The following CEP164 variants were observed in gnomAD, a reference collection of about 807,000 sequenced individuals.
CEP164 encodes the protein centrosomal protein 164.
In CEP164, 162 loss-of-function variants were observed where a neutral mutation model predicts 182.7. The ratio of observed to expected loss-of-function variants is 0.89; its 90% CI spans 0.78 to 1.01. The LOEUF is 1.01. Among genes scored for constraint, CEP164 ranks in the 50% least tolerant of loss-of-function variants. The pLI is 0.00. For missense variants in CEP164, 1,735 were observed against 1,790.4 expected (o/e 0.97, Z 0.56); for synonymous variants, 661 against 690.0 (o/e 0.96, Z 0.66).
In CEP164 at chr11:117,390,969, GC is replaced by G. The variant is rs762246255; in HGVS notation, c.2067-27del. ...GCGGAGGCGACCCCAGGGTGCACAGGCCCGTTACCATTCCACTGTGTCCACC... is the reference window on the plus strand; with the variant it reads ...GCGGAGGCGACCCCAGGGTGCACAGGCCGTTACCATTCCACTGTGTCCACC... On this transcript the variant is annotated intron_variant, in intron 16 of 32. Transcript: ENST00000278935. 11 of 1,613,906 alleles carry G rather than the reference GC, an allele frequency of 6.8e-6. 1 individual carries two copies. Among genetic ancestry groups the G allele is most frequent in the Middle Eastern group, 3.3e-4 (2 of 6,080 alleles).
At chr11:117,339,807 G>A (rs1173201073) in intron 3 of CEP164, among the ~76,000 whole-genome samples, 1 of 151,920 alleles carries the variant, frequency 6.6e-6, no homozygotes, top group Non-Finnish European at 1.5e-5. Flanking sequence ...TGGGATTACA[G>A]GCGGGAGACA....
At chr11:117,359,053 T>G (rs1469753914) in intron 5 of CEP164, among the ~76,000 whole-genome samples, 2 of 152,098 alleles carry the variant, frequency 1.3e-5, no homozygotes, top group Non-Finnish European at 2.9e-5. Flanking sequence ...CAAGTGATTC[T>G]CCTGCCTTAG....
intron 11 of CEP164, among the ~76,000 whole-genome samples, chr11:117,377,263 C>T (rs540659018): frequency 6.6e-6 from 1 of 152,168 alleles, no homozygotes; most frequent in Non-Finnish European, 1.5e-5. Context: ...GCACAGATCA[C>T]GATAGGGTTC....
chr11:117,336,318 C>T (rs375745270), intron 2 of CEP164: 261 of 1,497,312 alleles, frequency 1.7e-4, no homozygotes, highest in South Asian at 2.3e-4. Flanking sequence ...TCTTCTTGTC[C>T]GCTGTCACTG....
chr11:117,394,454 C>A lies in CEP164; in HGVS notation c.2721C>A (p.His907Gln). Residue 907 changes from histidine (H) to glutamine (Q), a missense_variant, in exon 21 of 33, where the codon CAC (histidine) becomes CAA (glutamine). Coordinates refer to ENST00000278935, the MANE Select transcript of CEP164 (RefSeq NM_014956.5). This position sits in a 1 kb window ranked among gnomAD's most constrained non-coding sequence, Gnocchi z 4.0. ...RELETVRQEQ[H>Q]KRLEDLRRRH... The stretch of plus-strand genomic sequence containing the variant: ...TGGAGACTGTGAGGCAGGAGCAACA[C>A]AAGCGTCTTGAGGACTTGCGGCGCC... 6.2e-7 allele frequency: 1 copy of A among 1,614,158 alleles called. No homozygotes were observed. The highest frequency in any genetic ancestry group is 1.1e-5 in the South Asian group (1 of 91,072).
At chr11:117,336,228 G>A (rs2037089920) in intron 2 of CEP164, 1 of 1,593,520 alleles carries the variant, frequency 6.3e-7, no homozygotes, top group African/African-American at 1.3e-5. Flanking sequence ...TGGAAGAGGA[G>A]GAGAAAGAGG....
chr11:117,355,972 G>T (rs2040245408), intron 5 of CEP164: 32 of 1,116,246 alleles, frequency 2.9e-5, no homozygotes, highest in Non-Finnish European at 3.4e-5. Context: ...AAGATCAGAA[G>T]CCTAGCTTGT....
In CEP164 at chr11:117,396,003, C is replaced by T. The variant is rs760844442; in HGVS notation, c.3090-51C>T. On this transcript the variant is annotated intron_variant, in intron 24 of 32. Coordinates refer to ENST00000278935, the MANE Select transcript of CEP164 (RefSeq NM_014956.5). ...ATGGTTCTGACCCACTTCACCCCTC[C>T]CCCCCATCGCCAGCCGCTGCCCTGC... The T allele has an allele frequency of 3.1e-6, 5 of 1,610,326 alleles. No individual in the cohort carries two copies. In the African/African-American group the frequency reaches 5.3e-5, roughly 17 times the overall value.
chr11:117,412,533 C>T lies in CEP164; in HGVS notation c.*365C>T, dbSNP rs561269228. Reference sequence around the variant, plus strand: ...GCTGGTTGTTTCCTTGGCCCTGCAGCGCACTGCTCGGGGCTCCCAAGGAGG... The same window carrying T: ...GCTGGTTGTTTCCTTGGCCCTGCAGTGCACTGCTCGGGGCTCCCAAGGAGG... On this transcript the variant is annotated 3_prime_UTR_variant, in exon 33 of 33. Coordinates refer to ENST00000278935, the MANE Select transcript of CEP164 (RefSeq NM_014956.5). The T allele has an allele frequency of 5.0e-5, 11 of 218,490 alleles. No individual in the cohort carries two copies. In the South Asian group the frequency reaches 8.4e-4, roughly 17 times the overall value. The allele number at this position is 218,490 out of a possible 1,614,324, so 13.5% of individuals were successfully genotyped here. A position where few individuals can be genotyped will look rare whatever the true frequency, so the allele number is the denominator to read the frequency against.
In CEP164 at chr11:117,392,318, C is replaced by T. The variant is rs775505362; in HGVS notation, c.2361+15C>T. ...AGCACCGGGAGGTAAGATGCAGCATCCTGGGCCCCCTTCATGGCTGATTAG... is the reference window on the plus strand; with the variant it reads ...AGCACCGGGAGGTAAGATGCAGCATTCTGGGCCCCCTTCATGGCTGATTAG... On this transcript the variant is annotated intron_variant, in intron 18 of 32. Coordinates refer to ENST00000278935, the MANE Select transcript of CEP164 (RefSeq NM_014956.5). 27 of 1,605,476 alleles carry T rather than the reference C, an allele frequency of 1.7e-5. No homozygotes were observed. Among genetic ancestry groups the T allele is most frequent in the Admixed American group, 3.4e-5 (2 of 59,258 alleles).
rs747652810 is a variant in CEP164, at chr11:117,409,822, T to G, written c.3953T>G (p.Leu1318Arg). The G allele has an allele frequency of 2.5e-6, 2 of 801,614 alleles. No individual in the cohort carries two copies. The highest frequency in any genetic ancestry group is 4.8e-5 in the African/African-American group (2 of 41,996). The allele number at this position is 801,614 out of a possible 1,614,324, so 49.7% of individuals were successfully genotyped here. Residue 1318 changes from leucine (L) to arginine (R), a missense_variant, in exon 30 of 33, where the codon CTG becomes CGG. Physicochemically the swap from Leu to Arg is moderately radical, Grantham distance 102. Transcript: ENST00000278935. The surrounding 1 kb of genome is among the most constrained non-coding windows in gnomAD (Gnocchi z 4.4). The part of the protein sequence containing the change: ...STPTPTYYGS[L>R]ARFSALSSAT... ...CCCACCCCCACCTACTATGGCTCCC[T>G]GGCCAGGTTCTCAGCCTTATCATCT...
chr11:117,410,813 C>T lies in CEP164; in HGVS notation c.4097-15C>T. 1 of 1,610,930 alleles carries T rather than the reference C, an allele frequency of 6.2e-7. No homozygotes were observed. Among genetic ancestry groups the T allele is most frequent in the Admixed American group, 1.7e-5 (1 of 59,864 alleles). Reference sequence around the variant, plus strand: ...CCACTGCCCATTTCTGAGTCCTGTCCCCATGCTCTTCCAGCTGGCATCCCG... The same window carrying T: ...CCACTGCCCATTTCTGAGTCCTGTCTCCATGCTCTTCCAGCTGGCATCCCG... On this transcript the variant is annotated splice_polypyrimidine_tract_variant and intron_variant, in intron 30 of 32. Coordinates refer to ENST00000278935, the MANE Select transcript of CEP164 (RefSeq NM_014956.5).
chr11:117,395,788 T>C, intron 24 of CEP164, 66 bp downstream of exon 24: 1 of 1,529,168 alleles, frequency 6.5e-7, no homozygotes, highest in Non-Finnish European at 8.8e-7. Flanking sequence ...CCTCTGCTGC[T>C]TGTGTCATGG....
intron 27 of CEP164, among the ~76,000 whole-genome samples, chr11:117,403,153 G>A (rs555481463): frequency 5.9e-5 from 9 of 152,152 alleles, no homozygotes; most frequent in East Asian, 1.9e-4. Context: ...TAATTGGGGC[G>A]TTTAGCCTGT....
At chr11:117,390,535 CT>C (rs1037600340) in intron 15 of CEP164, among the ~76,000 whole-genome samples, 3 of 151,448 alleles carry the variant, frequency 2.0e-5, no homozygotes, top group African/African-American at 7.3e-5. Context: ...ACATGGGATG[CT>C]GAGGCGAGAG....
intron 9 of CEP164, among the ~76,000 whole-genome samples, chr11:117,372,105 G>A (rs1200541544): frequency 1.1e-5 from 1 of 94,084 alleles, no homozygotes; most frequent in Non-Finnish European, 2.2e-5. Flanking sequence ...CATAGTTCAG[G>A]GTATTTTTTT....
chr11:117,327,745 G>T (rs543208161), upstream of CEP164: 1 of 152,358 alleles, frequency 6.6e-6, no homozygotes, highest in South Asian at 2.1e-4. Context: ...TGCGTGCACC[G>T]AAGGGACTTC....
Position 117,409,955 on chromosome 11 carries a change from G to A in CEP164, c.4086G>A (p.Lys1362=), listed in dbSNP as rs200916484. 3.0e-5 allele frequency: 49 copies of A among 1,614,018 alleles called. No homozygotes were observed. Among genetic ancestry groups the A allele is most frequent in the Non-Finnish European group, 4.1e-5 (48 of 1,180,038 alleles). ...ACTTCCTGTTGGAGAAGTGGCGCAA[G>A]TATTTTCCATGTAAGCCCCACTCTG... The part of the protein sequence containing the change: ...VDDFLLEKWR[K]YFPSGIPLLS... The change falls in exon 30 of 33, where the codon AAG becomes AAA. Residue 1362 remains lysine (K), a synonymous_variant. Transcript: ENST00000278935. The surrounding 1 kb of genome is among the most constrained non-coding windows in gnomAD (Gnocchi z 4.4).
chr11:117,379,472 G>C (rs929451151), intron 11 of CEP164, among the ~76,000 whole-genome samples: 9 of 152,230 alleles, frequency 5.9e-5, no homozygotes, highest in Admixed American at 5.2e-4. Context: ...CGGTGTGACA[G>C]AAGGAGTGCA....
Sources: gnomAD v4.1 joint callset for allele counts (sites outside exome capture counted in the v4.1 genomes callset) on GRCh38, gnomAD v4.1.1 for gene constraint, Gnocchi (gnomAD v3.1) non-coding constraint, MANE v1.5 for transcripts, NCBI Gene and HGNC (gene_info 2026-07-23, HGNC 2026-07-21) for gene names.